The following SEMA5A variants were observed in gnomAD, a reference collection of about 807,000 sequenced individuals.
SEMA5A encodes semaphorin 5A, also known as semaphorin-5A.
Under a neutral mutation model 135.5 loss-of-function variants are expected in SEMA5A, and 55 were observed. The observed-to-expected ratio is 0.41, with a 90% CI of 0.33 to 0.51. The LOEUF (loss-of-function observed/expected upper bound fraction) is 0.51. Ranked by LOEUF, SEMA5A falls within the 20% of genes least tolerant of loss-of-function variation. The pLI is 0.37. For synonymous variants in SEMA5A, 580 were observed against 546.5 expected (o/e 1.06, Z -0.85); for missense variants, 1,290 against 1,419.9 (o/e 0.91, Z 1.47).
chr5:9,532,476 C>T (rs1419174101), intron 1 of SEMA5A, among the ~76,000 whole-genome samples: 7 of 129,190 alleles, frequency 5.4e-5, no homozygotes, highest in Admixed American at 8.5e-5. Context: ...TTAGTAGAGA[C>T]GGGGTTTTGC....
chr5:9,093,744 C>G (rs754808522), intron 16 of SEMA5A, among the ~76,000 whole-genome samples: 1 of 152,086 alleles, frequency 6.6e-6, no homozygotes, highest in African/African-American at 2.4e-5. Flanking sequence ...TGTGCACCCC[C>G]ATGCCTGGTA....
chr5:9,365,292 T>C (rs1438704009), intron 3 of SEMA5A, among the ~76,000 whole-genome samples: 2 of 152,064 alleles, frequency 1.3e-5, no homozygotes, highest in African/African-American at 4.8e-5. Context: ...GATCAAAAAA[T>C]TTCAGTAATC....
intron 1 of SEMA5A, among the ~76,000 whole-genome samples, chr5:9,440,957 T>G (rs1318295903): frequency 6.6e-6 from 1 of 152,174 alleles, no homozygotes; most frequent in Non-Finnish European, 1.5e-5. Flanking sequence ...GAAAGTTTAG[T>G]GGAGTGATGA....
At chr5:9,053,745 T>C in intron 19 of SEMA5A, 2 of 178,624 alleles carry the variant, frequency 1.1e-5, no homozygotes, top group African/African-American at 4.7e-5. Context: ...GGGTCACTAG[T>C]GTTAATTAGC....
rs993270939 is a variant in SEMA5A, at chr5:9,545,212, C to T, written c.-175+372G>A. Among the ~76,000 whole-genome samples, 4 of 152,112 alleles carry T rather than the reference C, an allele frequency of 2.6e-5. No individual in the cohort carries two copies. Among genetic ancestry groups the T allele is most frequent in the African/African-American group, 9.7e-5 (4 of 41,448 alleles). On this transcript the variant is annotated intron_variant, in intron 1 of 22. Transcript: ENST00000382496. The surrounding 1 kb of genome is among the most constrained non-coding windows in gnomAD (Gnocchi z 4.5). ...CCCCTGCCCCCGGCTCGCGGCAGTG[C>T]GAGCCTGGAGGCGCGCCGGGGGCGG...
rs992831829 is a variant in SEMA5A, at chr5:9,520,425, GA to G, written c.-175+25158del. ...CGCTGAAATGGAGTGAGGGGAACGT[GA>G]GCCTCTTGAAGGACAGGGCACTGGG... On this transcript the variant is annotated intron_variant, in intron 1 of 22. Coordinates refer to ENST00000382496, the MANE Select transcript of SEMA5A (RefSeq NM_003966.3). 1.3e-5 allele frequency among the ~76,000 whole-genome samples: 2 copies of G among 152,164 alleles called. 1 individual carries two copies. Among genetic ancestry groups the G allele is most frequent in the Non-Finnish European group, 2.9e-5 (2 of 68,040 alleles).
intron 1 of SEMA5A, among the ~76,000 whole-genome samples, chr5:9,445,633 C>A (rs1758406784): frequency 6.6e-6 from 1 of 152,084 alleles, no homozygotes; most frequent in African/African-American, 2.4e-5. Context: ...GGCACCACTG[C>A]ACTCCAGTCT....
chr5:9,114,466 T>C (rs76639371), intron 15 of SEMA5A, among the ~76,000 whole-genome samples: 7 of 151,792 alleles, frequency 4.6e-5, no homozygotes, highest in African/African-American at 1.4e-4. Context: ...ATGTTTTTTT[T>C]GTGTGTGTGT....
At chr5:9,280,979 G>T (rs549647739) in intron 5 of SEMA5A, among the ~76,000 whole-genome samples, 7 of 152,048 alleles carry the variant, frequency 4.6e-5, no homozygotes, top group Non-Finnish European at 1.0e-4. Flanking sequence ...CTAGGCTTGA[G>T]AAAAACCACT....
At chr5:9,249,101 G>A (rs113462805) in intron 5 of SEMA5A, among the ~76,000 whole-genome samples, 2 of 152,340 alleles carry the variant, frequency 1.3e-5, no homozygotes, top group African/African-American at 4.8e-5. Context: ...CCCATTGTAC[G>A]AAATTGGAAC....
intron 14 of SEMA5A, among the ~76,000 whole-genome samples, chr5:9,121,472 G>A (rs1413036922): frequency 6.6e-6 from 1 of 152,226 alleles, no homozygotes; most frequent in East Asian, 1.9e-4. Flanking sequence ...AGCAAGAACT[G>A]AAGACAGATC....
chr5:9,325,476 T>C (rs1418730819), intron 4 of SEMA5A, among the ~76,000 whole-genome samples: 1 of 152,172 alleles, frequency 6.6e-6, no homozygotes, highest in African/African-American at 2.4e-5. Context: ...CCAAAGTTTC[T>C]TGCTTACTGA....
chr5:9,431,118 G>GT (rs1757842149), intron 2 of SEMA5A, among the ~76,000 whole-genome samples: 1 of 152,310 alleles, frequency 6.6e-6, no homozygotes, highest in African/African-American at 2.4e-5. Flanking sequence ...CTGGAATATT[G>GT]TGATTGGCCC....
chr5:9,145,867 A>C (rs1742308126), intron 12 of SEMA5A, among the ~76,000 whole-genome samples: 2 of 149,746 alleles, frequency 1.3e-5, no homozygotes, highest in Non-Finnish European at 3.0e-5. Flanking sequence ...CTAGTCTTGA[A>C]CTCTTGACCT....
intron 5 of SEMA5A, chr5:9,265,284 A>G: frequency 2.8e-6 from 1 of 362,264 alleles, no homozygotes; most frequent in Non-Finnish European, 5.6e-6. Flanking sequence ...CCTCTTGTGG[A>G]TGAGGTGCTC....
intron 16 of SEMA5A, among the ~76,000 whole-genome samples, chr5:9,098,237 CAATAAATA>C (rs3063984): frequency 5.1e-4 from 71 of 140,308 alleles, no homozygotes; most frequent in South Asian, 7.3e-4. Context: ...GACTCTGTCT[CAATAAATA>C]AATAAATAAA....
chr5:9,455,172 C>A (rs1758783473), intron 1 of SEMA5A, among the ~76,000 whole-genome samples: 1 of 152,176 alleles, frequency 6.6e-6, no homozygotes, highest in Admixed American at 6.5e-5. Context: ...GCTGAGTGAA[C>A]TGCAGACTAA....
At chr5:9,369,726 A>C (rs1398742807) in intron 3 of SEMA5A, among the ~76,000 whole-genome samples, 1 of 151,444 alleles carries the variant, frequency 6.6e-6, no homozygotes, top group African/African-American at 2.4e-5. Context: ...CAATTACATC[A>C]TTGTTTTGAG....
intron 16 of SEMA5A, among the ~76,000 whole-genome samples, chr5:9,103,873 C>T (rs554245736): frequency 2.0e-4 from 31 of 152,172 alleles, no homozygotes; most frequent in African/African-American, 7.0e-4. Context: ...AGTTTATCTT[C>T]GATTAATTCC....
Sources: gnomAD v4.1 joint callset for allele counts (sites outside exome capture counted in the v4.1 genomes callset) on GRCh38, gnomAD v4.1.1 for gene constraint, Gnocchi (gnomAD v3.1) non-coding constraint, MANE v1.5 for transcripts, NCBI Gene and HGNC (gene_info 2026-07-23, HGNC 2026-07-21) for gene names.